Variants in SLC25A51 observed in about 807,000 individuals in gnomAD.
The protein encoded by SLC25A51 is mitochondrial nicotinamide adenine dinucleotide transporter SLC25A51.
Under a neutral mutation model 19.1 loss-of-function variants are expected in SLC25A51, and 11 were observed. The ratio of observed to expected loss-of-function variants is 0.58; its 90% CI spans 0.36 to 0.96. The LOEUF (loss-of-function observed/expected upper bound fraction) is 0.96. Among genes scored for constraint, SLC25A51 ranks in the 40% least tolerant of loss-of-function variants. The probability of loss-of-function intolerance (pLI) is 0.01; values close to 1 mark genes in which losing one functional copy is unlikely to be tolerated. For synonymous variants in SLC25A51, 105 were observed against 133.6 expected, an observed-to-expected ratio of 0.79 and a Z score of 1.47; for missense variants, 201 against 365.4, an observed-to-expected ratio of 0.55 and a Z score of 3.67.
rs148608996 is a variant in SLC25A51 at position 37,888,488 on chromosome 9, T to C, written c.63A>G (p.Ile21Met). The C allele has an allele frequency of 1.4e-4, 225 of 1,614,224 alleles. 1 individual carries two copies. In the Middle Eastern group the frequency reaches 4.0e-3, roughly 28 times the overall value. Residue 21 changes from isoleucine (I) to methionine (M), a missense_variant, in exon 3 of 3, where the codon ATA (isoleucine) becomes ATG (methionine). Ile to Met is a conservative substitution (Grantham distance 10). Coordinates refer to ENST00000242275, the MANE Select transcript of SLC25A51 (RefSeq NM_033412.4). ...PPILTSSKQD[I>M]SPHITNVGEM... ...CACCAACATTTGTAATATGAGGTGA[T>C]ATATCTTGTTTTGAAGATGTTAGTA...
In SLC25A51 at chr9:37,898,583, G is replaced by T. The variant is rs566563467; in HGVS notation, c.-43+1246C>A. Among the ~76,000 whole-genome samples the T allele has an allele frequency of 8.5e-5, 13 of 152,052 alleles. 3 individuals carry two copies. The highest frequency in any genetic ancestry group is 3.1e-4 in the African/African-American group (13 of 41,480). On this transcript the variant is annotated intron_variant, in intron 2 of 2. Transcript: ENST00000242275. ...AAAAAAAAAAAATTAGCCGGGCATG[G>T]TGGCATGCACCTGTCATCTCAGCTA...
At position 37,889,661 on chromosome 9, in the gene SLC25A51, G is replaced by A. The variant is rs116603553; in HGVS notation, c.-42-1069C>T. On this transcript the variant is annotated intron_variant, in intron 2 of 2. Coordinates refer to ENST00000242275, the MANE Select transcript of SLC25A51 (RefSeq NM_033412.4). ...CTGAAATGAAGTCTGAGTGATTCCA[G>A]GGCTCATATCCCTGCTACCATATCA... Among the ~76,000 whole-genome samples, 538 of 151,054 alleles carry A rather than the reference G, an allele frequency of 3.6e-3. 4 individuals carry two copies. Among genetic ancestry groups the A allele is most frequent in the African/African-American group, 0.013 (515 of 41,010 alleles).
chr9:37,888,692 T>C (rs887041558), intron 2 of SLC25A51, 100 bp from the exon 3 acceptor site: 8 of 942,258 alleles, frequency 8.5e-6, no homozygotes, highest in African/African-American at 8.3e-5. Flanking sequence ...CACCACACTT[T>C]CCTTTTCAGA....
intron 1 of SLC25A51, among the ~76,000 whole-genome samples, chr9:37,901,563 CTT>C (rs1266742011): frequency 1.3e-5 from 2 of 152,114 alleles, no homozygotes; most frequent in Non-Finnish European, 2.9e-5. Context: ...GAGCAAAACT[CTT>C]ATTACTATTT....
intron 2 of SLC25A51, among the ~76,000 whole-genome samples, chr9:37,896,150 A>G (rs940856441): frequency 6.6e-6 from 1 of 152,162 alleles, no homozygotes; most frequent in Non-Finnish European, 1.5e-5. Context: ...CTGGAATATC[A>G]GTTTAAGAAG....
chr9:37,888,596 C>A lies in SLC25A51; in HGVS notation c.-42-4G>T. On this transcript the variant is annotated splice_polypyrimidine_tract_variant and splice_region_variant and intron_variant, in intron 2 of 2. Transcript: ENST00000242275. The stretch of plus-strand genomic sequence containing the variant: ...TTCATGAAGGACTTTTTTTAACCTA[C>A]AAATAATAAATGACAACGGGTAAAC... The A allele has an allele frequency of 6.5e-7, 1 of 1,548,368 alleles. No homozygotes were observed. Among genetic ancestry groups the A allele is most frequent in the South Asian group, 1.3e-5 (1 of 78,498 alleles).
At chr9:37,885,963 G>A (rs750527648), downstream of SLC25A51, 1,657 of 1,613,670 alleles carry the variant, frequency 1.0e-3, 3 homozygotes, top group Non-Finnish European at 1.1e-3. Context: ...CGGGACAACA[G>A]GGTCACTTGG....
chr9:37,895,251 C>T (rs926475036), intron 2 of SLC25A51, among the ~76,000 whole-genome samples: 3 of 151,762 alleles, frequency 2.0e-5, no homozygotes, highest in Non-Finnish European at 2.9e-5. Context: ...GCCCAGGCTA[C>T]GATGCAGTGG....
chr9:37,887,691 T>A lies in SLC25A51; in HGVS notation c.860A>T (p.Asn287Ile). The part of the protein sequence containing the change: ...HRSLISWGII[N>I]ATYEFLLKVI ...CTTTAACAAGAACTCATAAGTTGCATTGATTATGCCCCAAGAGATGAGGGA... is the reference window on the plus strand; with the variant it reads ...CTTTAACAAGAACTCATAAGTTGCAATGATTATGCCCCAAGAGATGAGGGA... Residue 287 changes from asparagine to isoleucine, a missense_variant, in exon 3 of 3, where the codon AAT becomes ATT. Asn to Ile is a moderately radical substitution (Grantham distance 149). Transcript: ENST00000242275. The A allele has an allele frequency of 6.2e-7, 1 of 1,612,156 alleles. No individual in the cohort carries two copies.
chr9:37,890,841 A>G (rs1306880068), intron 2 of SLC25A51, among the ~76,000 whole-genome samples: 4 of 152,240 alleles, frequency 2.6e-5, no homozygotes, highest in Non-Finnish European at 4.4e-5. Context: ...AATCCAAACC[A>G]TATTTAAGAG....
intron 2 of SLC25A51, among the ~76,000 whole-genome samples, chr9:37,898,688 A>G (rs931153383): frequency 6.6e-6 from 1 of 152,224 alleles, no homozygotes; most frequent in African/African-American, 2.4e-5. Context: ...ACTGCACTGC[A>G]GCCTGGGCGA....
chr9:37,893,048 G>T lies in SLC25A51; in HGVS notation c.-42-4456C>A, dbSNP rs372745201. Among the ~76,000 whole-genome samples the T allele has an allele frequency of 9.4e-4, 141 of 150,682 alleles. 3 individuals are homozygous for T. In the South Asian group the frequency reaches 0.028, roughly 30 times the overall value. ...GGCCACAGCGCCTGGCCCAATTTTTGTATTTTTTTTGTAGAGATGAGGTTT... is the reference window on the plus strand; with the variant it reads ...GGCCACAGCGCCTGGCCCAATTTTTTTATTTTTTTTGTAGAGATGAGGTTT... On this transcript the variant is annotated intron_variant, in intron 2 of 2. Coordinates refer to ENST00000242275, the MANE Select transcript of SLC25A51 (RefSeq NM_033412.4).
chr9:37,894,165 T>A (rs1172571995), intron 2 of SLC25A51, among the ~76,000 whole-genome samples: 1 of 152,298 alleles, frequency 6.6e-6, no homozygotes, highest in African/African-American at 2.4e-5. Context: ...TGTTTTTTTT[T>A]ATGGTTTTGT....
At chr9:37,879,567 C>T (rs1831312199) in exon 4 of SLC25A51, 1 of 152,926 alleles carries the variant, frequency 6.5e-6, no homozygotes, top group African/African-American at 2.4e-5. Flanking sequence ...TTAGAGAACA[C>T]AAATAAAATG....
At chr9:37,901,423 C>T (rs1564072523) in intron 1 of SLC25A51, among the ~76,000 whole-genome samples, 2 of 152,220 alleles carry the variant, frequency 1.3e-5, no homozygotes, top group Non-Finnish European at 2.9e-5. Flanking sequence ...CCTGCCTTGG[C>T]CTCCCAAAGT....
downstream of SLC25A51, chr9:37,886,151 C>T: frequency 2.1e-6 from 3 of 1,440,458 alleles, no homozygotes; most frequent in Non-Finnish European, 2.0e-6. Context: ...CAATCAACTC[C>T]CTACCCTGAT....
At chr9:37,879,146 C>T, downstream of SLC25A51, 1 of 334,714 alleles carries the variant, frequency 3.0e-6, no homozygotes, top group South Asian at 2.9e-5. Flanking sequence ...ACATAAAGGA[C>T]CAGAAGAAAT....
At chr9:37,890,352 C>T (rs1232047225) in intron 2 of SLC25A51, among the ~76,000 whole-genome samples, 1 of 152,032 alleles carries the variant, frequency 6.6e-6, no homozygotes, top group Non-Finnish European at 1.5e-5. Flanking sequence ...CCACTGCACT[C>T]CAGCCTGGGC....
intron 2 of SLC25A51, among the ~76,000 whole-genome samples, chr9:37,896,039 C>T (rs758001303): frequency 6.6e-6 from 1 of 152,110 alleles, no homozygotes; most frequent in Admixed American, 6.6e-5. Context: ...GTCTCAAACT[C>T]CTGGCCTCAA....
Sources: allele counts gnomAD v4.1 joint callset (sites outside exome capture counted in the v4.1 genomes callset), GRCh38; gene constraint gnomAD v4.1.1; transcripts MANE v1.5; gene names NCBI Gene and HGNC (gene_info 2026-07-23, HGNC 2026-07-21).